Variants in ASZ1 observed in about 807,000 individuals in gnomAD.
The protein encoded by ASZ1 is ankyrin repeat, SAM and basic leucine zipper domain-containing protein 1.
Under a neutral mutation model 61.8 loss-of-function variants are expected in ASZ1, and 67 were observed. The observed-to-expected ratio is 1.08, with a 90% CI of 0.89 to 1.33. The LOEUF (loss-of-function observed/expected upper bound fraction) is 1.33, where lower values mean the gene tolerates loss of function less well. Among genes scored for constraint, ASZ1 ranks in the 40% most tolerant of loss-of-function variants. ASZ1 has a pLI of 0.00. For missense variants in ASZ1, 577 were observed against 554.5 expected (o/e 1.04, Z -0.41); for synonymous variants, 193 against 192.7 (o/e 1.00, Z -0.01).
intron 4 of ASZ1, among the ~76,000 whole-genome samples, chr7:117,404,499 A>G (rs114700109): frequency 0.022 from 3,295 of 149,984 alleles, 119 homozygotes; most frequent in African/African-American, 0.077. Flanking sequence ...CCTTAAGTCG[A>G]GGGTCACTTG....
At chr7:117,394,448 G>A (rs1385912520) in intron 4 of ASZ1, among the ~76,000 whole-genome samples, 1 of 152,040 alleles carries the variant, frequency 6.6e-6, no homozygotes, top group Non-Finnish European at 1.5e-5. Context: ...TAACTTTTAG[G>A]ATTTTTGCCT....
At chr7:117,395,621 G>A (rs572943813) in intron 4 of ASZ1, among the ~76,000 whole-genome samples, 31 of 151,894 alleles carry the variant, frequency 2.0e-4, no homozygotes, top group Non-Finnish European at 3.8e-4. Context: ...CAAGCTTTTC[G>A]TTTCTTGTGA....
At chr7:117,363,859 T>G in intron 12 of ASZ1, 111 bp from the exon 13 acceptor site, 1 of 904,246 alleles carries the variant, frequency 1.1e-6, no homozygotes, top group Non-Finnish European at 1.5e-6. Context: ...TCACTTGATT[T>G]AGATGTAGGC....
At chr7:117,413,444 T>C (rs1584740629) in intron 4 of ASZ1, among the ~76,000 whole-genome samples, 1 of 152,184 alleles carries the variant, frequency 6.6e-6, no homozygotes, top group African/African-American at 2.4e-5. Flanking sequence ...AAATGTTTCA[T>C]TTACAAATTC....
intron 4 of ASZ1, among the ~76,000 whole-genome samples, chr7:117,417,641 C>G (rs1797021968): frequency 6.6e-6 from 1 of 152,142 alleles, no homozygotes. Context: ...ATAAAATTTG[C>G]AGCCTAAAAG....
chr7:117,367,804 G>A, intron 11 of ASZ1: 1 of 988,306 alleles, frequency 1.0e-6, no homozygotes, highest in Non-Finnish European at 1.2e-6. Flanking sequence ...GAAAACAAGT[G>A]CATTAAAAAA....
At position 117,367,449 on chromosome 7, in the gene ASZ1, G is replaced by A. The variant is rs2116443674; in HGVS notation, c.1178C>T (p.Ala393Val). The A allele has an allele frequency of 1.3e-6, 2 of 1,533,608 alleles. No homozygotes were observed. ...VNSQKITLEW[A>V]SPQNFTSVCE... is the part of the protein sequence containing the mutation. ...AACTGAAGTAAAATTCTGGGGAGAA[G>A]CCCATTCCAGTGTTATCTGTTAATA... The change falls in exon 12 of 13, where the codon GCT becomes GTT. Residue 393 changes from alanine to valine, a missense_variant. By Grantham distance (64) the Ala-to-Val change is moderately conservative. Coordinates refer to ENST00000284629, the MANE Select transcript of ASZ1 (RefSeq NM_130768.3).
chr7:117,422,201 T>C (rs762613839), intron 3 of ASZ1, 36 bp downstream of exon 3: 14 of 1,593,958 alleles, frequency 8.8e-6, no homozygotes, highest in Non-Finnish European at 1.2e-5. Context: ...GGAATCACAG[T>C]AAGCATAATC....
In ASZ1 at chr7:117,384,825, A is replaced by G; in HGVS notation, c.588T>C (p.Asn196=). ...CAAGTTCAAGCAACTTCAAAACTAT[A>G]TTTTTATGACCCTGACGTGCTGCCC... is the stretch of plus-strand genomic sequence containing the variant. The part of the protein sequence containing the change: ...LTWAARQGHK[N]IVLKLLELGA... The change falls in exon 6 of 13, where the codon AAT becomes AAC. Residue 196 remains asparagine, a synonymous_variant. Transcript: ENST00000284629. 6.2e-7 allele frequency: 1 copy of G among 1,608,312 alleles called. No homozygotes were observed. Among genetic ancestry groups the G allele is most frequent in the Non-Finnish European group, 8.5e-7 (1 of 1,178,104 alleles).
At chr7:117,396,428 T>C (rs1268496389) in intron 4 of ASZ1, among the ~76,000 whole-genome samples, 1 of 152,212 alleles carries the variant, frequency 6.6e-6, no homozygotes, top group Non-Finnish European at 1.5e-5. Context: ...TTCAGATATA[T>C]GTTTTCGAAA....
rs140407855 is a variant in ASZ1 at position 117,390,162 on chromosome 7, T to G, written c.441-4353A>C. Among the ~76,000 whole-genome samples the G allele has an allele frequency of 8.0e-5, 11 of 138,358 alleles. No homozygotes were observed. The East Asian group carries it at 1.6e-3, about 21-fold the overall frequency. 90.8% of individuals were successfully genotyped at this position (138,358 alleles called of 152,430 possible). A position where few individuals can be genotyped will look rare whatever the true frequency, so the allele number is the denominator to read the frequency against. The stretch of plus-strand genomic sequence containing the variant: ...GATGGGCACATAGGTTGGTTCTATA[T>G]CTTTGTAACAGTGGGGGTTTTTTTT... On this transcript the variant is annotated intron_variant, in intron 4 of 12. Coordinates refer to ENST00000284629, the MANE Select transcript of ASZ1 (RefSeq NM_130768.3).
chr7:117,364,635 T>C (rs553813401), intron 12 of ASZ1, among the ~76,000 whole-genome samples: 1 of 152,254 alleles, frequency 6.6e-6, no homozygotes, highest in East Asian at 1.9e-4. Context: ...ATAAATACTT[T>C]CAACATCAGC....
intron 10 of ASZ1, among the ~76,000 whole-genome samples, chr7:117,371,681 T>C (rs951803014): frequency 4.6e-5 from 7 of 152,260 alleles, no homozygotes; most frequent in Middle Eastern, 3.4e-3. Context: ...TAACTTAGAT[T>C]TCAGTGTTCT....
chr7:117,380,942 A>G, intron 9 of ASZ1, 69 bp downstream of exon 9: 2 of 1,351,654 alleles, frequency 1.5e-6, no homozygotes, highest in East Asian at 4.6e-5. Flanking sequence ...TTAAAAAGAG[A>G]GAAGAAAAGG....
At chr7:117,410,665 CAT>C (rs1426190509) in intron 4 of ASZ1, among the ~76,000 whole-genome samples, 1 of 151,194 alleles carries the variant, frequency 6.6e-6, no homozygotes, top group Non-Finnish European at 1.5e-5. Flanking sequence ...ATTATAAACT[CAT>C]ACACTAGTTC....
intron 4 of ASZ1, among the ~76,000 whole-genome samples, chr7:117,397,858 C>T (rs2116495717): frequency 1.3e-5 from 2 of 152,376 alleles, no homozygotes; most frequent in South Asian, 4.1e-4. Context: ...CAAGCATGGG[C>T]TATCCCTTTA....
At chr7:117,384,131 A>T (rs1171323243) in intron 6 of ASZ1, among the ~76,000 whole-genome samples, 1 of 152,104 alleles carries the variant, frequency 6.6e-6, no homozygotes, top group Non-Finnish European at 1.5e-5. Flanking sequence ...CTTGCTTAGA[A>T]GTTACAGACT....
intron 5 of ASZ1, among the ~76,000 whole-genome samples, chr7:117,385,270 T>G (rs1413155268): frequency 1.3e-5 from 2 of 152,136 alleles, no homozygotes; most frequent in Non-Finnish European, 2.9e-5. Context: ...TTCTTTTCTT[T>G]TTTTTTGAGA....
At chr7:117,389,492 G>A (rs1796421597) in intron 4 of ASZ1, among the ~76,000 whole-genome samples, 1 of 152,112 alleles carries the variant, frequency 6.6e-6, no homozygotes, top group Non-Finnish European at 1.5e-5. Flanking sequence ...AACAGTGCTT[G>A]CTTATCTAAT....
Sources: gnomAD v4.1 joint callset for allele counts (sites outside exome capture counted in the v4.1 genomes callset) on GRCh38, gnomAD v4.1.1 for gene constraint, MANE v1.5 for transcripts, NCBI Gene and HGNC (gene_info 2026-07-23, HGNC 2026-07-21) for gene names.